The following STPG2 variants were observed in gnomAD, a reference collection of about 807,000 sequenced individuals.
STPG2 encodes sperm-tail PG-rich repeat-containing protein 2.
Under a neutral mutation model 54.2 loss-of-function variants are expected in STPG2, and 56 were observed. That is an observed-to-expected ratio of 1.03 (90% CI 0.83 to 1.29). The LOEUF is 1.29. STPG2 is among the 50% of genes most tolerant of loss of function. The probability of loss-of-function intolerance (pLI) is 0.00; values close to 1 mark genes in which losing one functional copy is unlikely to be tolerated. For synonymous variants in STPG2, 200 were observed against 181.8 expected (o/e 1.10, Z -0.81); for missense variants, 596 against 544.9 (o/e 1.09, Z -0.93).
At chr4:97,892,872 A>T (rs1285638443) in intron 8 of STPG2, among the ~76,000 whole-genome samples, 2 of 152,134 alleles carry the variant, frequency 1.3e-5, no homozygotes, top group Admixed American at 1.3e-4. Context: ...TCACTCTCCA[A>T]TAAACTTCTT....
rs142721225 is a variant in STPG2, at chr4:98,124,198, T to C, written c.387+4230A>G. ...TACATTTAAGGTTAACATTGTTATG[T>C]ATAAATTTGATCCTGTCATCATGAT... On this transcript the variant is annotated intron_variant, in intron 3 of 10. Coordinates refer to ENST00000295268, the MANE Select transcript of STPG2 (RefSeq NM_174952.3). 2.7e-4 allele frequency among the ~76,000 whole-genome samples: 41 copies of C among 152,326 alleles called. 1 individual carries two copies. In the East Asian group the frequency reaches 3.3e-3, roughly 12 times the overall value.
intron 4 of STPG2, among the ~76,000 whole-genome samples, chr4:97,524,080 A>T (rs539873199): frequency 6.6e-6 from 1 of 151,944 alleles, no homozygotes; most frequent in Admixed American, 6.6e-5. Flanking sequence ...GGAGTAGACA[A>T]TGGAAACCCC....
At chr4:98,092,066 T>G in intron 5 of STPG2, among the ~76,000 whole-genome samples, 1 of 152,074 alleles carries the variant, frequency 6.6e-6, no homozygotes, top group East Asian at 1.9e-4. Flanking sequence ...GTACAAACTA[T>G]TTTACAATAA....
chr4:97,852,633 A>G (rs1180841173), intron 8 of STPG2, among the ~76,000 whole-genome samples: 1 of 152,206 alleles, frequency 6.6e-6, no homozygotes, highest in Non-Finnish European at 1.5e-5. Flanking sequence ...TAAATATCTC[A>G]GCATCCCATT....
At chr4:97,881,787 T>C (rs1730384651) in intron 8 of STPG2, among the ~76,000 whole-genome samples, 1 of 152,170 alleles carries the variant, frequency 6.6e-6, no homozygotes, top group Non-Finnish European at 1.5e-5. Context: ...ATAAAGATTA[T>C]TGAAACAATA....
At chr4:97,788,784 T>A (rs1726900662) in intron 9 of STPG2, among the ~76,000 whole-genome samples, 1 of 152,056 alleles carries the variant, frequency 6.6e-6, no homozygotes, top group Admixed American at 6.6e-5. Context: ...ACTTTTTAAT[T>A]CCTGATATTA....
intron 8 of STPG2, among the ~76,000 whole-genome samples, chr4:97,930,558 C>T (rs1686896615): frequency 6.6e-6 from 1 of 152,104 alleles, no homozygotes; most frequent in Admixed American, 6.5e-5. Context: ...TGTACCAGTG[C>T]CATGCTGTTT....
intron 4 of STPG2, among the ~76,000 whole-genome samples, chr4:97,447,193 T>G (rs774146377): frequency 5.2e-4 from 79 of 152,162 alleles, no homozygotes; most frequent in Non-Finnish European, 7.4e-5. Context: ...GCTCCTGCCC[T>G]GGAAATCTGT....
chr4:97,738,513 A>G (rs970996422), intron 9 of STPG2, among the ~76,000 whole-genome samples: 2 of 152,080 alleles, frequency 1.3e-5, no homozygotes, highest in African/African-American at 4.8e-5. Context: ...AAGGATGGAG[A>G]AAGATCTACC....
intron 5 of STPG2, among the ~76,000 whole-genome samples, chr4:98,061,523 C>T (rs1737655871): frequency 6.6e-6 from 1 of 152,170 alleles, no homozygotes; most frequent in South Asian, 2.1e-4. Flanking sequence ...GGTCTCTCCC[C>T]TAACATTGGG....
At chr4:97,688,966 T>G (rs2148986556) in intron 10 of STPG2, among the ~76,000 whole-genome samples, 1 of 152,296 alleles carries the variant, frequency 6.6e-6, no homozygotes, top group Admixed American at 6.5e-5. Flanking sequence ...ACACTAATCT[T>G]TGCAACTAAC....
chr4:97,984,441 G>A (rs1012233591), intron 5 of STPG2, among the ~76,000 whole-genome samples: 6 of 151,912 alleles, frequency 3.9e-5, no homozygotes, highest in East Asian at 1.9e-4. Flanking sequence ...CACCGCACCC[G>A]CCCTGTTTCC....
intron 10 of STPG2, among the ~76,000 whole-genome samples, chr4:97,619,555 T>C (rs1220585913): frequency 1.3e-5 from 2 of 148,224 alleles, no homozygotes; most frequent in African/African-American, 5.0e-5. Flanking sequence ...TCTGGGCACC[T>C]CTAGGGCCTT....
chr4:97,803,475 T>A lies in STPG2; in HGVS notation c.1204+37298A>T, dbSNP rs1442745620. Among the ~76,000 whole-genome samples the A allele has an allele frequency of 2.0e-5, 3 of 152,002 alleles. No homozygotes were observed. In the East Asian group the frequency reaches 5.8e-4, roughly 29 times the overall value. On this transcript the variant is annotated intron_variant, in intron 9 of 10. Transcript: ENST00000295268. ...GGGTGGAGGTGGAGGTGGGGGAGGATCTATTCCAAGCAGGTATTTAGGACC... is the reference window on the plus strand; with the variant it reads ...GGGTGGAGGTGGAGGTGGGGGAGGAACTATTCCAAGCAGGTATTTAGGACC...
chr4:97,800,328 C>A (rs1354628947), intron 9 of STPG2, among the ~76,000 whole-genome samples: 1 of 152,132 alleles, frequency 6.6e-6, no homozygotes, highest in East Asian at 1.9e-4. Flanking sequence ...CTACTTTGGT[C>A]TTTGATGATG....
At position 97,950,448 on chromosome 4, in the gene STPG2, G is replaced by C. The variant is rs113308378; in HGVS notation, c.934-6441C>G. On this transcript the variant is annotated intron_variant, in intron 7 of 10. Transcript: ENST00000295268. Reference sequence around the variant, plus strand: ...TGTGTCTTTCATTTCCAGAAGTTCTGATTTTTTTCTCTTTAAAATATGTAT... The same window carrying C: ...TGTGTCTTTCATTTCCAGAAGTTCTCATTTTTTTCTCTTTAAAATATGTAT... Among the ~76,000 whole-genome samples, 654 of 152,092 alleles carry C rather than the reference G, an allele frequency of 4.3e-3. 3 individuals carry two copies. The highest frequency in any genetic ancestry group is 0.021 in the Middle Eastern group (6 of 292).
chr4:97,934,603 G>A (rs1732679372), intron 8 of STPG2, among the ~76,000 whole-genome samples: 2 of 152,032 alleles, frequency 1.3e-5, no homozygotes, highest in South Asian at 4.1e-4. Context: ...CCTTTTCTGT[G>A]TTTATTGAAA....
chr4:97,998,197 C>T (rs1278966322), intron 5 of STPG2, among the ~76,000 whole-genome samples: 1 of 152,192 alleles, frequency 6.6e-6, no homozygotes, highest in African/African-American at 2.4e-5. Context: ...CCATTTCCCT[C>T]ACCTTGAATC....
intron 9 of STPG2, among the ~76,000 whole-genome samples, chr4:97,733,920 A>C (rs999632396): frequency 6.6e-6 from 1 of 152,100 alleles, no homozygotes; most frequent in Non-Finnish European, 1.5e-5. Context: ...ATCATCTTCT[A>C]GTTTTCTATA....
Sources: gnomAD v4.1 joint callset for allele counts (sites outside exome capture counted in the v4.1 genomes callset) on GRCh38, gnomAD v4.1.1 for gene constraint, MANE v1.5 for transcripts, NCBI Gene and HGNC (gene_info 2026-07-23, HGNC 2026-07-21) for gene names.